CCDC88A: variants seen among roughly 807,000 people sequenced by gnomAD.
The protein encoded by CCDC88A is coiled-coil and HOOK domain protein 88A, also known as girdin.
A neutral mutation model predicts 234.3 loss-of-function variants in CCDC88A; 54 were observed. That is an observed-to-expected ratio of 0.23 (90% CI 0.19 to 0.29). The LOEUF (loss-of-function observed/expected upper bound fraction) is 0.29. Ranked by LOEUF, CCDC88A falls within the 10% of genes least tolerant of loss-of-function variation. CCDC88A has a pLI of 1.00. For missense variants in CCDC88A, 1,832 were observed against 2,123.4 expected, an observed-to-expected ratio of 0.86 and a Z score of 2.70; for synonymous variants, 753 against 737.8, an observed-to-expected ratio of 1.02 and a Z score of -0.33.
chr2:55,298,866 C>A (rs1448400894), intron 29 of CCDC88A, among the ~76,000 whole-genome samples: 1 of 95,232 alleles, frequency 1.1e-5, no homozygotes, highest in Non-Finnish European at 2.1e-5. Flanking sequence ...ACAGCGAGAA[C>A]CCGTCTCAAA....
chr2:55,346,312 C>A lies in CCDC88A; in HGVS notation c.904G>T (p.Ala302Ser), dbSNP rs745605244. 6.3e-7 allele frequency: 1 copy of A among 1,591,286 alleles called. No individual in the cohort carries two copies. Among genetic ancestry groups the A allele is most frequent in the Non-Finnish European group, 8.6e-7 (1 of 1,167,838 alleles). ...TCTCGGTACATTCTGGCAGAGCGAG[C>A]ATCCGAAAGCAAATTCATGTTCTAA... ...QQENMNLLSD[A>S]RSARMYRDEL... The change falls in exon 10 of 33, where the codon GCT becomes TCT. Residue 302 changes from alanine to serine, a missense_variant. Ala to Ser is a moderately conservative substitution (Grantham distance 99). This residue lies in a region of CCDC88A where 1,282 missense variants were observed against 1,543.6 expected (regional missense o/e 0.83). Transcript: ENST00000436346.
intron 2 of CCDC88A, among the ~76,000 whole-genome samples, chr2:55,394,876 CA>C (rs1677274905): frequency 6.6e-6 from 1 of 151,620 alleles, no homozygotes. Flanking sequence ...GATGGAGTCT[CA>C]CTCTGTTGCC....
intron 5 of CCDC88A, among the ~76,000 whole-genome samples, chr2:55,370,398 T>C (rs897027887): frequency 2.6e-5 from 4 of 152,100 alleles, no homozygotes; most frequent in South Asian, 2.1e-4. Flanking sequence ...TCCCAGCACG[T>C]TGGAAGGCCG....
intron 9 of CCDC88A, among the ~76,000 whole-genome samples, chr2:55,348,177 C>A (rs1669412459): frequency 6.6e-6 from 1 of 152,164 alleles, no homozygotes; most frequent in East Asian, 1.9e-4. Flanking sequence ...GTTGCCCAGG[C>A]AGGTCTTTAA....
chr2:55,372,675 G>A (rs973715642), intron 4 of CCDC88A, among the ~76,000 whole-genome samples, 165 bp from the exon 5 acceptor site: 4 of 152,176 alleles, frequency 2.6e-5, no homozygotes, highest in Admixed American at 2.6e-4. Context: ...GTATGTACAC[G>A]GTGGTAACAG....
intron 12 of CCDC88A, 77 bp from the exon 13 acceptor site, chr2:55,339,725 T>C: frequency 7.8e-7 from 1 of 1,285,446 alleles, no homozygotes; most frequent in Non-Finnish European, 1.1e-6. Context: ...ATTTAAAAAG[T>C]TGAGTGTATA....
At chr2:55,355,779 G>C in intron 7 of CCDC88A, 28 bp from the exon 8 acceptor site, 2 of 1,576,098 alleles carry the variant, frequency 1.3e-6, no homozygotes, top group Non-Finnish European at 1.7e-6. Flanking sequence ...ATCACTTTCA[G>C]TATTCTACAT....
At chr2:55,387,106 G>A (rs1007107716) in intron 3 of CCDC88A, among the ~76,000 whole-genome samples, 5 of 149,536 alleles carry the variant, frequency 3.3e-5, no homozygotes, top group Non-Finnish European at 5.9e-5. Context: ...GAACCCAGGA[G>A]GCGGAAGTTG....
chr2:55,339,476 C>T lies in CCDC88A; in HGVS notation c.1506G>A (p.Arg502=), dbSNP rs563014353. ...KILKMEKENQ[R]LSKKVEILEN... The stretch of plus-strand genomic sequence containing the variant: ...CATTTTAATTTACCTTTTTACTGAG[C>T]CTTTGATTTTCTTTTTCCATTTTCA... Residue 502 remains arginine (R), a synonymous_variant, in exon 13 of 33, where the codon AGG becomes AGA. Transcript: ENST00000436346. 4.5e-6 allele frequency: 7 copies of T among 1,560,098 alleles called. No homozygotes were observed. In the South Asian group the frequency reaches 7.1e-5, roughly 16 times the overall value.
chr2:55,299,885 T>G lies in CCDC88A; in HGVS notation c.4779A>C (p.Thr1593=), dbSNP rs1680670959. Residue 1593 remains threonine, a synonymous_variant, in exon 29 of 33, where the codon ACA becomes ACC. Coordinates refer to ENST00000436346, the MANE Select transcript of CCDC88A (RefSeq NM_001365480.1). ...SRPASLDSGR[T]STSNSNNNAS... Reference sequence around the variant, plus strand: ...CATTATTATTGCTATTGCTAGTGGATGTTCTGCCACTATCAAGGCTGGCTG... The same window carrying G: ...CATTATTATTGCTATTGCTAGTGGAGGTTCTGCCACTATCAAGGCTGGCTG... The G allele has an allele frequency of 6.2e-7, 1 of 1,613,652 alleles. No individual in the cohort carries two copies.
At chr2:55,374,241 G>A (rs118146858) in intron 4 of CCDC88A, among the ~76,000 whole-genome samples, 8 of 152,106 alleles carry the variant, frequency 5.3e-5, no homozygotes, top group Non-Finnish European at 1.2e-4. Flanking sequence ...TGGTGACCAC[G>A]CCTATAATTC....
intron 3 of CCDC88A, among the ~76,000 whole-genome samples, chr2:55,386,867 A>G (rs1675726103): frequency 6.6e-6 from 1 of 152,084 alleles, no homozygotes; most frequent in Admixed American, 6.6e-5. Flanking sequence ...CTCAAAGAAA[A>G]ACATGCAGCT....
Position 55,364,229 on chromosome 2 carries a change from GA to G in CCDC88A, c.403-197del, listed in dbSNP as rs764540598. On this transcript the variant is annotated intron_variant, in intron 5 of 32. Coordinates refer to ENST00000436346, the MANE Select transcript of CCDC88A (RefSeq NM_001365480.1). ...TAATTATTTTAAAAAGCAAGGCACT[GA>G]AAATCCATACTATTTTTATGCTGGA... The G allele has an allele frequency of 7.2e-5, 30 of 414,772 alleles. No homozygotes were observed. In the Middle Eastern group the frequency reaches 2.6e-3, roughly 36 times the overall value. 25.7% of individuals were successfully genotyped at this position (414,772 alleles called of 1,614,324 possible).
chr2:55,314,580 T>C (rs1022619786), intron 22 of CCDC88A: 2 of 152,192 alleles, frequency 1.3e-5, no homozygotes, highest in Admixed American at 1.3e-4. Flanking sequence ...AATTTTTGTA[T>C]ATTTAGTAGA....
At chr2:55,352,078 G>C (rs1480796883) in intron 8 of CCDC88A, among the ~76,000 whole-genome samples, 1 of 152,110 alleles carries the variant, frequency 6.6e-6, no homozygotes, top group East Asian at 1.9e-4. Flanking sequence ...GGGCAAAGGG[G>C]GACAGACAGT....
chr2:55,384,949 G>C (rs533834964), intron 3 of CCDC88A, among the ~76,000 whole-genome samples: 4 of 151,902 alleles, frequency 2.6e-5, no homozygotes, highest in African/African-American at 9.7e-5. Flanking sequence ...GAGCTACCGC[G>C]CCTGGCTAAA....
At chr2:55,387,494 C>T (rs753906051) in intron 3 of CCDC88A, among the ~76,000 whole-genome samples, 1 of 151,692 alleles carries the variant, frequency 6.6e-6, no homozygotes, top group Non-Finnish European at 1.5e-5. Context: ...GAAACAATTA[C>T]TGATAGGCCA....
intron 2 of CCDC88A, among the ~76,000 whole-genome samples, chr2:55,400,523 T>C (rs1678428818): frequency 6.6e-6 from 1 of 152,210 alleles, no homozygotes; most frequent in East Asian, 1.9e-4. Flanking sequence ...ACAAGTTGCA[T>C]TAATTTCAAT....
chr2:55,364,522 A>G (rs947701398), intron 5 of CCDC88A, among the ~76,000 whole-genome samples: 2 of 152,058 alleles, frequency 1.3e-5, no homozygotes, highest in African/African-American at 4.8e-5. Flanking sequence ...TCATTCTCAC[A>G]TCTTCATCCT....
Sources: gnomAD v4.1 joint callset for allele counts (sites outside exome capture counted in the v4.1 genomes callset) on GRCh38, gnomAD v4.1.1 for gene constraint, gnomAD v4.1.1 regional missense constraint, MANE v1.5 for transcripts, NCBI Gene and HGNC (gene_info 2026-07-23, HGNC 2026-07-21) for gene names.